Variants in NELL1 observed in about 807,000 individuals in gnomAD.
The protein encoded by NELL1 is neural EGFL like 1, also known as protein kinase C-binding protein NELL1.
NELL1 carries 76 observed loss-of-function variants against 107.4 expected under a neutral mutation model. The ratio of observed to expected loss-of-function variants is 0.71; its 90% CI spans 0.59 to 0.86. The LOEUF (loss-of-function observed/expected upper bound fraction) is 0.86, where lower values mean the gene tolerates loss of function less well. NELL1 is among the 40% of genes least tolerant of loss of function. NELL1 has a pLI of 0.00. For missense variants in NELL1, 1,024 were observed against 1,005.5 expected, an observed-to-expected ratio of 1.02 and a Z score of -0.25; for synonymous variants, 353 against 341.2, an observed-to-expected ratio of 1.03 and a Z score of -0.38.
intron 13 of NELL1, among the ~76,000 whole-genome samples, chr11:21,214,519 A>G (rs537746907): frequency 7.2e-5 from 11 of 152,294 alleles, no homozygotes; most frequent in Middle Eastern, 3.4e-3. Flanking sequence ...CAGAATAGCT[A>G]AAACAAAAAA....
At chr11:21,568,243 T>C (rs1857017313) in intron 17 of NELL1, among the ~76,000 whole-genome samples, 1 of 151,656 alleles carries the variant, frequency 6.6e-6, no homozygotes, top group Admixed American at 6.6e-5. Context: ...TATCCAAACG[T>C]AGAAAAGGTA....
chr11:21,463,627 A>G (rs1160312156), intron 15 of NELL1, among the ~76,000 whole-genome samples: 3 of 152,130 alleles, frequency 2.0e-5, no homozygotes, highest in African/African-American at 7.2e-5. Flanking sequence ...TAAGAACTAC[A>G]TCTGTCACTG....
intron 15 of NELL1, among the ~76,000 whole-genome samples, chr11:21,497,528 T>C (rs1196728461): frequency 6.6e-6 from 1 of 152,172 alleles, no homozygotes; most frequent in Non-Finnish European, 1.5e-5. Context: ...TGAAGTCAGT[T>C]ATTTATCATT....
chr11:20,993,097 T>A (rs1054281134), intron 12 of NELL1, among the ~76,000 whole-genome samples: 4 of 152,190 alleles, frequency 2.6e-5, no homozygotes, highest in Admixed American at 2.0e-4. Flanking sequence ...TAGAATGCCA[T>A]CCTTACTTTG....
At chr11:21,547,477 A>G (rs559197092) in intron 16 of NELL1, among the ~76,000 whole-genome samples, 1 of 151,860 alleles carries the variant, frequency 6.6e-6, no homozygotes, top group Non-Finnish European at 1.5e-5. Flanking sequence ...TAAGCTGAGG[A>G]GTTGCAAGTT....
At chr11:21,235,321 G>C (rs1442407316) in intron 14 of NELL1, among the ~76,000 whole-genome samples, 1 of 152,114 alleles carries the variant, frequency 6.6e-6, no homozygotes, top group Non-Finnish European at 1.5e-5. Context: ...TCTGGTTATA[G>C]AGCAATTTCA....
intron 3 of NELL1, among the ~76,000 whole-genome samples, chr11:20,826,893 A>G (rs1400836017): frequency 6.6e-6 from 1 of 151,270 alleles, no homozygotes; most frequent in Non-Finnish European, 1.5e-5. Flanking sequence ...AGGGAAGGGA[A>G]CTAACATTTG....
chr11:20,689,544 T>C (rs541626604), intron 2 of NELL1, among the ~76,000 whole-genome samples: 1 of 149,666 alleles, frequency 6.7e-6, no homozygotes, highest in South Asian at 2.1e-4. Context: ...TGTTTGGTTT[T>C]TTGTCCTTGC....
chr11:21,522,808 T>C (rs1170633047), intron 15 of NELL1, among the ~76,000 whole-genome samples: 1 of 151,696 alleles, frequency 6.6e-6, no homozygotes, highest in Non-Finnish European at 1.5e-5. Context: ...ACATTTTCTT[T>C]ATCTTGAATC....
intron 5 of NELL1, among the ~76,000 whole-genome samples, chr11:20,893,199 G>A (rs1346798818): frequency 6.6e-6 from 1 of 151,814 alleles, no homozygotes; most frequent in East Asian, 1.9e-4. Flanking sequence ...ATAAGTGGGA[G>A]TTTAACATTA....
intron 12 of NELL1, among the ~76,000 whole-genome samples, chr11:20,994,383 G>T (rs1852044211): frequency 6.6e-6 from 1 of 152,200 alleles, no homozygotes; most frequent in Non-Finnish European, 1.5e-5. Context: ...AATATCTGTA[G>T]TGATCAGTGC....
chr11:20,683,439 T>C (rs1854236428), intron 2 of NELL1, among the ~76,000 whole-genome samples: 1 of 151,960 alleles, frequency 6.6e-6, no homozygotes, highest in African/African-American at 2.4e-5. Context: ...TCCCTATAGG[T>C]AGTGTTTCAG....
rs1051076975 is a variant in NELL1, at chr11:20,767,020, A to G, written c.185-16660A>G. On this transcript the variant is annotated intron_variant, in intron 2 of 19. Transcript: ENST00000357134. ...TGGCCTCCCAGACTGCTGGGATTACAGGTGTGAGCCACTGGGCACGGCTGC... is the reference window on the plus strand; with the variant it reads ...TGGCCTCCCAGACTGCTGGGATTACGGGTGTGAGCCACTGGGCACGGCTGC... Among the ~76,000 whole-genome samples the G allele has an allele frequency of 5.9e-5, 9 of 152,280 alleles. No individual in the cohort carries two copies. In the South Asian group the frequency reaches 1.9e-3, roughly 32 times the overall value.
intron 12 of NELL1, among the ~76,000 whole-genome samples, chr11:21,049,523 T>C (rs954358537): frequency 6.6e-6 from 1 of 152,116 alleles, no homozygotes; most frequent in Non-Finnish European, 1.5e-5. Flanking sequence ...GGTCTGTCAT[T>C]AAGGAACATA....
chr11:21,397,470 C>G (rs1423534866), intron 15 of NELL1, among the ~76,000 whole-genome samples: 1 of 151,548 alleles, frequency 6.6e-6, no homozygotes, highest in African/African-American at 2.4e-5. Context: ...GTATATTACT[C>G]TATTTACTTC....
At chr11:21,198,954 T>C (rs1433507873) in intron 13 of NELL1, among the ~76,000 whole-genome samples, 19 of 152,136 alleles carry the variant, frequency 1.2e-4, no homozygotes, top group Admixed American at 1.2e-3. Flanking sequence ...GAATGGCCTA[T>C]TTTTGTCTCT....
At chr11:21,354,046 C>T (rs181356848) in intron 14 of NELL1, among the ~76,000 whole-genome samples, 26 of 152,264 alleles carry the variant, frequency 1.7e-4, no homozygotes, top group African/African-American at 6.3e-4. Flanking sequence ...TTCCTCACAA[C>T]AACTATATAA....
chr11:21,144,472 T>C (rs1855933503), intron 13 of NELL1, among the ~76,000 whole-genome samples: 1 of 152,120 alleles, frequency 6.6e-6, no homozygotes, highest in South Asian at 2.1e-4. Flanking sequence ...TATAAAGCTT[T>C]AGGTTTTCAA....
chr11:20,944,459 T>C (rs1197415257), intron 10 of NELL1, among the ~76,000 whole-genome samples: 1 of 152,206 alleles, frequency 6.6e-6, no homozygotes, highest in Non-Finnish European at 1.5e-5. Context: ...GTTTTATATG[T>C]TGTTAGAAAT....
Sources: gnomAD v4.1 joint callset for allele counts (sites outside exome capture counted in the v4.1 genomes callset) on GRCh38, gnomAD v4.1.1 for gene constraint, MANE v1.5 for transcripts, NCBI Gene and HGNC (gene_info 2026-07-23, HGNC 2026-07-21) for gene names.